GBF1: variants seen among roughly 807,000 people sequenced by gnomAD.
GBF1 encodes Golgi-specific brefeldin A-resistance guanine nucleotide exchange factor 1.
Under a neutral mutation model 210.5 loss-of-function variants are expected in GBF1, and 114 were observed. The observed-to-expected ratio is 0.54, with a 90% CI of 0.47 to 0.63. The LOEUF is 0.63. GBF1 is among the 30% of genes least tolerant of loss of function. The pLI is 0.00. For synonymous variants in GBF1, 850 were observed against 889.2 expected, an observed-to-expected ratio of 0.96 and a Z score of 0.78; for missense variants, 1,851 against 2,357.7, an observed-to-expected ratio of 0.79 and a Z score of 4.45.
intron 1 of GBF1, 27 bp from the exon 2 acceptor site, chr10:102,258,902 A>G: frequency 8.6e-7 from 1 of 1,160,464 alleles, no homozygotes; most frequent in Non-Finnish European, 1.3e-6. Flanking sequence ...AATATTAACC[A>G]GACTATTATC....
chr10:102,350,248 C>T (rs1401267460), intron 4 of GBF1, among the ~76,000 whole-genome samples: 1 of 151,862 alleles, frequency 6.6e-6, no homozygotes, highest in Non-Finnish European at 1.5e-5. Flanking sequence ...ACTCGGGAAG[C>T]CTCAGGCAGG....
At chr10:102,375,033 G>C (rs1344020891) in intron 29 of GBF1, among the ~76,000 whole-genome samples, 2 of 151,808 alleles carry the variant, frequency 1.3e-5, no homozygotes, top group East Asian at 3.9e-4. Flanking sequence ...AATTAGCCAG[G>C]TGTGGTCACA....
intron 1 of GBF1, among the ~76,000 whole-genome samples, chr10:102,256,742 C>T (rs2072448752): frequency 1.3e-5 from 2 of 152,180 alleles, no homozygotes; most frequent in South Asian, 4.1e-4. Flanking sequence ...TGGTCTCGAG[C>T]TCAGGTTATC....
At chr10:102,349,759 C>T (rs2058815373) in intron 4 of GBF1, among the ~76,000 whole-genome samples, 1 of 152,138 alleles carries the variant, frequency 6.6e-6, no homozygotes, top group Admixed American at 6.5e-5. Context: ...AGGAGCTAGG[C>T]AAGACCCTTG....
At chr10:102,274,692 A>C (rs561619449) in intron 3 of GBF1, among the ~76,000 whole-genome samples, 32 of 147,480 alleles carry the variant, frequency 2.2e-4, no homozygotes, top group Middle Eastern at 3.4e-3. Context: ...ACAGGTGCAA[A>C]ACAAAGATTT....
chr10:102,357,269 C>G (rs1266227125), intron 8 of GBF1, among the ~76,000 whole-genome samples: 13 of 151,958 alleles, frequency 8.6e-5, no homozygotes, highest in Admixed American at 7.9e-4. Context: ...GGCAGATCAC[C>G]TAAGGTCAGG....
chr10:102,368,640 G>C, intron 22 of GBF1, 99 bp from the exon 23 acceptor site: 1 of 904,188 alleles, frequency 1.1e-6, no homozygotes, highest in East Asian at 2.4e-5. Flanking sequence ...GTTTCTTCCT[G>C]GGACTGACTG....
At chr10:102,236,124 G>T in the GBF1 span, among the ~76,000 whole-genome samples, 1 of 152,210 alleles carries the variant, frequency 6.6e-6, no homozygotes, top group Non-Finnish European at 1.5e-5. Context: ...ACGTCCGGGT[G>T]GGCTGGTCAG....
chr10:102,230,996 G>A, the GBF1 span: 4 of 1,602,130 alleles, frequency 2.5e-6, no homozygotes, highest in African/African-American at 1.3e-5. Context: ...TCCTCGTAGG[G>A]CGGCACCAGC....
intron 3 of GBF1, among the ~76,000 whole-genome samples, chr10:102,284,390 C>T (rs1466630191): frequency 6.6e-6 from 1 of 152,124 alleles, no homozygotes; most frequent in Non-Finnish European, 1.5e-5. Flanking sequence ...AAAAGGAAAT[C>T]CTGTACCCAT....
chr10:102,370,274 C>A, intron 27 of GBF1, 29 bp downstream of exon 27: 1 of 1,541,962 alleles, frequency 6.5e-7, no homozygotes, highest in Non-Finnish European at 9.0e-7. Flanking sequence ...AAACATGGAA[C>A]AACTGGCTGA....
At chr10:102,241,729 A>G (rs1461919714), upstream of GBF1, among the ~76,000 whole-genome samples, 1 of 152,080 alleles carries the variant, frequency 6.6e-6, no homozygotes, top group Non-Finnish European at 1.5e-5. This position sits in a 1 kb window ranked among gnomAD's most constrained non-coding sequence, Gnocchi z 6.7. Flanking sequence ...CTCTTCAGCA[A>G]CTCGGCCGCG....
At chr10:102,243,220 T>G (rs1374122663), upstream of GBF1, among the ~76,000 whole-genome samples, 1 of 152,228 alleles carries the variant, frequency 6.6e-6, no homozygotes, top group Non-Finnish European at 1.5e-5. Context: ...AAGCCTTTTC[T>G]GAACTCTCAG....
intron 39 of GBF1, among the ~76,000 whole-genome samples, chr10:102,381,649 C>T (rs1053897486): frequency 1.3e-5 from 2 of 151,564 alleles, no homozygotes; most frequent in Non-Finnish European, 2.9e-5. Flanking sequence ...ATGGTGAAAC[C>T]CCGCCTGTAC....
At chr10:102,358,272 C>A in intron 9 of GBF1, 86 bp downstream of exon 9, 1 of 1,236,056 alleles carries the variant, frequency 8.1e-7, no homozygotes, top group Non-Finnish European at 1.2e-6. Context: ...GACCAACCAA[C>A]TGAGGGGCTT....
intron 3 of GBF1, among the ~76,000 whole-genome samples, chr10:102,303,443 A>C (rs1344245998): frequency 2.0e-5 from 3 of 152,190 alleles, no homozygotes; most frequent in Non-Finnish European, 4.4e-5. Flanking sequence ...CCCTGGTGTA[A>C]AATGGCTAAT....
chr10:102,310,826 T>A (rs563205358), intron 3 of GBF1, among the ~76,000 whole-genome samples: 1 of 152,322 alleles, frequency 6.6e-6, no homozygotes, highest in Admixed American at 6.5e-5. Context: ...AGTGGAAAAT[T>A]AAAACAAAGC....
intron 33 of GBF1, among the ~76,000 whole-genome samples, chr10:102,378,899 A>T (rs549555927): frequency 2.6e-3 from 391 of 152,290 alleles, no homozygotes; most frequent in Non-Finnish European, 4.2e-3. Context: ...GTGCCACTGC[A>T]CTCCAGCCTG....
chr10:102,329,282 T>C (rs1020186371), intron 3 of GBF1, among the ~76,000 whole-genome samples: 1 of 152,180 alleles, frequency 6.6e-6, no homozygotes, highest in Admixed American at 6.5e-5. Context: ...CATTTATCCC[T>C]GCCAGCCTTG....
Sources: allele counts gnomAD v4.1 joint callset (sites outside exome capture counted in the v4.1 genomes callset), GRCh38; gene constraint gnomAD v4.1.1; non-coding constraint Gnocchi (gnomAD v3.1); transcripts MANE v1.5; gene names NCBI Gene and HGNC (gene_info 2026-07-23, HGNC 2026-07-21).